The following CREB5 variants were observed in gnomAD, a reference collection of about 807,000 sequenced individuals.
The protein encoded by CREB5 is cAMP responsive element binding protein 5.
A neutral mutation model predicts 57.1 loss-of-function variants in CREB5; 19 were observed. That is an observed-to-expected ratio of 0.33 (90% CI 0.23 to 0.49). The LOEUF is 0.49. Among genes scored for constraint, CREB5 ranks in the 20% least tolerant of loss-of-function variants. The pLI is 0.99. For synonymous variants in CREB5, 238 were observed against 238.3 expected (o/e 1.00, Z 0.01); for missense variants, 579 against 671.6 (o/e 0.86, Z 1.52).
chr7:28,805,432 C>T (rs755825534), intron 8 of CREB5, among the ~76,000 whole-genome samples: 2 of 152,298 alleles, frequency 1.3e-5, no homozygotes, highest in Admixed American at 6.5e-5. Context: ...GTCCACACTG[C>T]CAGCTTCCAA....
At chr7:28,686,027 G>C in intron 5 of CREB5, 2 of 1,064,602 alleles carry the variant, frequency 1.9e-6, no homozygotes, top group Non-Finnish European at 2.7e-6. Context: ...GCCAGAGCTA[G>C]GCGCAAAAGA....
chr7:28,405,406 G>C (rs948419848), intron 1 of CREB5, among the ~76,000 whole-genome samples: 3 of 152,138 alleles, frequency 2.0e-5, no homozygotes, highest in South Asian at 2.1e-4. Context: ...AGCTGCTAGA[G>C]GATTGGTCTC....
chr7:28,467,968 C>T (rs1176883957), intron 1 of CREB5, among the ~76,000 whole-genome samples: 3 of 152,196 alleles, frequency 2.0e-5, no homozygotes, highest in African/African-American at 7.2e-5. Context: ...ATTAAAGCTA[C>T]TGTGAGGAGC....
intron 1 of CREB5, among the ~76,000 whole-genome samples, chr7:28,418,295 A>G (rs146142157): frequency 1.6e-4 from 24 of 152,342 alleles, no homozygotes; most frequent in African/African-American, 5.3e-4. Flanking sequence ...AGAATGCTTT[A>G]TTTTAATATA....
intron 1 of CREB5, among the ~76,000 whole-genome samples, chr7:28,312,590 C>T (rs1785301009): frequency 6.6e-6 from 1 of 152,152 alleles, no homozygotes; most frequent in Admixed American, 6.5e-5. Context: ...GGACAAGTCA[C>T]TCAACCATTT....
chr7:28,476,548 G>T (rs563063400), intron 1 of CREB5, among the ~76,000 whole-genome samples: 7 of 152,284 alleles, frequency 4.6e-5, no homozygotes, highest in African/African-American at 1.7e-4. Flanking sequence ...ATTCAGAGGA[G>T]TTAAGTAACT....
At chr7:28,656,134 G>A (rs1799325107) in intron 5 of CREB5, among the ~76,000 whole-genome samples, 1 of 152,080 alleles carries the variant, frequency 6.6e-6, no homozygotes, top group African/African-American at 2.4e-5. Context: ...ACCCCTATGT[G>A]GACTGGTCAC....
Position 28,809,204 on chromosome 7 carries a change from A to T in CREB5, c.1044A>T (p.Gln348His). 1 of 1,613,088 alleles carries T rather than the reference A, an allele frequency of 6.2e-7. No individual in the cohort carries two copies. The highest frequency in any genetic ancestry group is 1.1e-5 in the South Asian group (1 of 90,932). ...GNQAQVSPAT[Q>H]QMQPTQTIQP... Reference sequence around the variant, plus strand: ...CCCAGCAGGTTTCACCAGCAACACAACAGATGCAGCCAACCCAGACAATAC... The same window carrying T: ...CCCAGCAGGTTTCACCAGCAACACATCAGATGCAGCCAACCCAGACAATAC... Residue 348 changes from glutamine to histidine, a missense_variant, in exon 9 of 11, where the codon CAA (glutamine) becomes CAT (histidine). Gln to His is a conservative substitution (Grantham distance 24). Transcript: ENST00000357727.
intron 5 of CREB5, among the ~76,000 whole-genome samples, chr7:28,652,142 AG>A (rs1799151687): frequency 6.6e-6 from 1 of 152,218 alleles, no homozygotes. Flanking sequence ...TTTTATTTTA[AG>A]GTAAACTGAT....
intron 4 of CREB5, among the ~76,000 whole-genome samples, chr7:28,519,785 G>A (rs756480376): frequency 4.6e-5 from 7 of 152,134 alleles, no homozygotes; most frequent in African/African-American, 9.7e-5. Flanking sequence ...TAACACTGAC[G>A]GAATATTCCC....
At chr7:28,340,775 C>A (rs899739987) in intron 1 of CREB5, among the ~76,000 whole-genome samples, 34 of 152,180 alleles carry the variant, frequency 2.2e-4, no homozygotes, top group African/African-American at 7.5e-4. Flanking sequence ...AACACTTTAG[C>A]CTGCAGTGGT....
At chr7:28,621,817 T>G (rs1797802656) in intron 5 of CREB5, among the ~76,000 whole-genome samples, 1 of 152,160 alleles carries the variant, frequency 6.6e-6, no homozygotes, top group Non-Finnish European at 1.5e-5. Context: ...CAACTTAAAG[T>G]ATTAAGGACA....
At chr7:28,549,317 C>T (rs559291703) in intron 4 of CREB5, among the ~76,000 whole-genome samples, 1 of 152,312 alleles carries the variant, frequency 6.6e-6, no homozygotes, top group Admixed American at 6.5e-5. Context: ...CAAAATATAA[C>T]ATATTCTGTG....
At chr7:28,621,925 ACT>A (rs914346583) in intron 5 of CREB5, among the ~76,000 whole-genome samples, 1 of 152,134 alleles carries the variant, frequency 6.6e-6, no homozygotes, top group African/African-American at 2.4e-5. Context: ...GATGGAAAAG[ACT>A]CACCCAAACG....
chr7:28,688,158 T>C (rs1046149648), intron 5 of CREB5, among the ~76,000 whole-genome samples: 1 of 152,236 alleles, frequency 6.6e-6, no homozygotes, highest in African/African-American at 2.4e-5. Flanking sequence ...GATCTTTATT[T>C]GTTTACTTCT....
chr7:28,348,806 A>T (rs1786127617), intron 1 of CREB5, among the ~76,000 whole-genome samples: 1 of 152,146 alleles, frequency 6.6e-6, no homozygotes, highest in African/African-American at 2.4e-5. Context: ...CTTGCATAGA[A>T]CACTCCCCAG....
chr7:28,757,122 T>C lies in CREB5; in HGVS notation c.702+32790T>C, dbSNP rs79316115. On this transcript the variant is annotated intron_variant, in intron 7 of 10. Transcript: ENST00000357727. ...ATAGTATTTCCCCTGAGCCAAGCAC[T>C]GTTCTAAATGCTTTGTAAATAGTAA... Among the ~76,000 whole-genome samples, 191 of 152,346 alleles carry C rather than the reference T, an allele frequency of 1.3e-3. 1 individual carries two copies. Among genetic ancestry groups the C allele is most frequent in the Non-Finnish European group, 2.0e-3 (139 of 68,030 alleles).
chr7:28,368,784 C>T lies in CREB5; in HGVS notation c.-25+69343C>T, dbSNP rs530779691. Reference sequence around the variant, plus strand: ...TATATTGGTTGGGCCAAGTGGCCCACGCCTGTAATCCCAGCATTTTGGGAG... The same window carrying T: ...TATATTGGTTGGGCCAAGTGGCCCATGCCTGTAATCCCAGCATTTTGGGAG... On this transcript the variant is annotated intron_variant, in intron 1 of 9. Transcript: ENST00000396299. 7.2e-5 allele frequency among the ~76,000 whole-genome samples: 11 copies of T among 152,364 alleles called. No individual in the cohort carries two copies. In the East Asian group the frequency reaches 1.2e-3, roughly 16 times the overall value.
chr7:28,675,443 T>C (rs1283796489), intron 5 of CREB5, among the ~76,000 whole-genome samples: 1 of 152,176 alleles, frequency 6.6e-6, no homozygotes, highest in African/African-American at 2.4e-5. Context: ...GTTATCAGTA[T>C]ATGAAATAAG....
Sources: allele counts gnomAD v4.1 joint callset (sites outside exome capture counted in the v4.1 genomes callset), GRCh38; gene constraint gnomAD v4.1.1; transcripts MANE v1.5; gene names NCBI Gene and HGNC (gene_info 2026-07-23, HGNC 2026-07-21).